TRIM49B: variants seen among roughly 807,000 people sequenced by gnomAD.
TRIM49B encodes the protein tripartite motif containing 49B.
TRIM49B carries 18 observed loss-of-function variants against 31.8 expected under a neutral mutation model. That is an observed-to-expected ratio of 0.57 (90% CI 0.39 to 0.84). The LOEUF is 0.84. Ranked by LOEUF, TRIM49B falls within the 40% of genes least tolerant of loss-of-function variation. The pLI is 0.00. For synonymous variants in TRIM49B, 196 were observed against 180.6 expected (o/e 1.09, Z -0.68); for missense variants, 494 against 538.7 (o/e 0.92, Z 0.82).
intron 5 of TRIM49B, 70 bp from the exon 6 acceptor site, chr11:49,036,231 T>C (rs1854528048): frequency 3.1e-6 from 5 of 1,601,310 alleles, no homozygotes; most frequent in Non-Finnish European, 4.3e-6. Flanking sequence ...GAAATGTCTT[T>C]TACATACAAA....
intron 6 of TRIM49B, 27 bp from the exon 7 acceptor site, chr11:49,037,451 T>C (rs765869659): frequency 1.7e-5 from 27 of 1,599,112 alleles, no homozygotes; most frequent in Admixed American, 5.2e-5. Flanking sequence ...TTTACACGTC[T>C]ATGCATGTTT....
rs1480023223 is a variant in TRIM49B at position 49,032,115 on chromosome 11, A to T, written c.411+105A>T. 1.9e-6 allele frequency: 3 copies of T among 1,595,446 alleles called. No individual in the cohort carries two copies. In the African/African-American group the frequency reaches 4.1e-5, roughly 22 times the overall value. ...AAACAAACTCTGAGTCCCTTTAAGC[A>T]GCTCTGTTTGGGCTTTCTTAGCTTC... On this transcript the variant is annotated intron_variant, in intron 2 of 6. Transcript: ENST00000332682.
chr11:49,032,904 G>A (rs1304419972), intron 3 of TRIM49B, among the ~76,000 whole-genome samples: 1 of 152,188 alleles, frequency 6.6e-6, no homozygotes, highest in Non-Finnish European at 1.5e-5. Context: ...GATGAGAAAA[G>A]TGGTGAGAAA....
At chr11:49,030,726 A>G (rs1854433374) in intron 1 of TRIM49B, among the ~76,000 whole-genome samples, 1 of 152,156 alleles carries the variant, frequency 6.6e-6, no homozygotes, top group African/African-American at 2.4e-5. Context: ...CTCACCCACA[A>G]ACAATGCTTC....
At chr11:49,035,305 G>A (rs1191101322) in intron 5 of TRIM49B, among the ~76,000 whole-genome samples, 188 bp downstream of exon 5, 5 of 129,576 alleles carry the variant, frequency 3.9e-5, no homozygotes, top group Non-Finnish European at 7.9e-5. Flanking sequence ...ATGAATAAAA[G>A]AAGAGTGAAC....
intron 2 of TRIM49B, 124 bp from the exon 3 acceptor site, chr11:49,032,152 C>A (rs1854461510): frequency 1.3e-6 from 2 of 1,593,094 alleles, no homozygotes; most frequent in South Asian, 1.1e-5. Flanking sequence ...AACCTCTGGG[C>A]TTTGACAAAC....
At chr11:49,034,505 T>G (rs531471867) in intron 4 of TRIM49B, 129 bp downstream of exon 4, 2 of 1,591,014 alleles carry the variant, frequency 1.3e-6, no homozygotes, top group East Asian at 4.5e-5. Flanking sequence ...ACATAACTAA[T>G]GCTACTTTGT....
At chr11:49,035,339 A>ATTTTTTTTCTTTTTTTTTTTT (rs1854510521) in intron 5 of TRIM49B, among the ~76,000 whole-genome samples, 1 of 56,774 alleles carries the variant, frequency 1.8e-5, no homozygotes, top group African/African-American at 7.5e-5. Context: ...TTGATTCCTG[A>ATTTTTTTTCTTTTTTTTTTTT]TTTTTTTTTT....
chr11:49,035,950 G>A (rs189944486), intron 5 of TRIM49B, among the ~76,000 whole-genome samples: 26 of 151,742 alleles, frequency 1.7e-4, no homozygotes, highest in Non-Finnish European at 3.1e-4. Flanking sequence ...AGCAGTGGAA[G>A]CATCAGTCTC....
chr11:49,033,170 T>G (rs1352434711), intron 3 of TRIM49B, among the ~76,000 whole-genome samples: 1 of 152,194 alleles, frequency 6.6e-6, no homozygotes, highest in African/African-American at 2.4e-5. Context: ...TCACAAATCA[T>G]ACAATCCAAA....
At chr11:49,033,447 ATGTG>A (rs1190842473) in intron 3 of TRIM49B, among the ~76,000 whole-genome samples, 4 of 148,742 alleles carry the variant, frequency 2.7e-5, no homozygotes, top group African/African-American at 7.5e-5. Flanking sequence ...ATATGTATGT[ATGTG>A]TGTGTGGTTG....
Position 49,036,242 on chromosome 11 carries a change from T to C in TRIM49B, c.762-59T>C, listed in dbSNP as rs1854528305. Reference sequence around the variant, plus strand: ...TCATGAAATGTCTTTTACATACAAATAGTGATTTTTATTTATTTTATGGCT... The same window carrying C: ...TCATGAAATGTCTTTTACATACAAACAGTGATTTTTATTTATTTTATGGCT... On this transcript the variant is annotated intron_variant, in intron 5 of 6. Coordinates refer to ENST00000332682, the MANE Select transcript of TRIM49B (RefSeq NM_001206626.2). 13 of 1,598,036 alleles carry C rather than the reference T, an allele frequency of 8.1e-6. No homozygotes were observed. In the Admixed American group the frequency reaches 2.1e-4, roughly 25 times the overall value.
At position 49,031,940 on chromosome 11, in the gene TRIM49B, T is replaced by C; in HGVS notation, c.341T>C (p.Leu114Pro). The C allele has an allele frequency of 6.2e-7, 1 of 1,612,114 alleles. No homozygotes were observed. Among genetic ancestry groups the C allele is most frequent in the Non-Finnish European group, 8.5e-7 (1 of 1,179,868 alleles). The stretch of plus-strand genomic sequence containing the variant: ...GTGGACAGGAGCCTGCTCTGTTTGC[T>C]GTGCTCCAGCTCTCAGGAGCACCGG... ...CEVDRSLLCL[L>P]CSSSQEHRDH... Residue 114 changes from leucine to proline, a missense_variant, in exon 2 of 7, where the codon CTG (leucine) becomes CCG (proline). Leu to Pro is a moderately conservative substitution (Grantham distance 98, BLOSUM62 -3). Coordinates refer to ENST00000332682, the MANE Select transcript of TRIM49B (RefSeq NM_001206626.2).
chr11:49,031,643 G>A lies in TRIM49B; in HGVS notation c.44G>A (p.Cys15Tyr). Residue 15 changes from cysteine to tyrosine, a missense_variant, in exon 2 of 7, where the codon TGC becomes TAC. Transcript: ENST00000332682. The stretch of plus-strand genomic sequence containing the variant: ...CAGGTCTTTCAGAGGGAACTCATCT[G>A]CCCCATCTGCATGAACTACTTCATA... ...ILQVFQRELI[C>Y]PICMNYFIDP... 1 of 1,613,926 alleles carries A rather than the reference G, an allele frequency of 6.2e-7. No individual in the cohort carries two copies. Among genetic ancestry groups the A allele is most frequent in the Non-Finnish European group, 8.5e-7 (1 of 1,179,874 alleles).
chr11:49,029,390 C>T (rs901216481), intron 1 of TRIM49B, among the ~76,000 whole-genome samples: 1 of 152,022 alleles, frequency 6.6e-6, no homozygotes, highest in Non-Finnish European at 1.5e-5. Flanking sequence ...TAATGATGAA[C>T]GATGCAAAAT....
chr11:49,032,453 A>T lies in TRIM49B; in HGVS notation c.507+82A>T, dbSNP rs1590634535. 5 of 1,594,846 alleles carry T rather than the reference A, an allele frequency of 3.1e-6. No homozygotes were observed. The East Asian group carries it at 1.1e-4, about 36-fold the overall frequency. On this transcript the variant is annotated intron_variant, in intron 3 of 6. Transcript: ENST00000332682. ...TCTTAAAATAGGAACTGGATATCAA[A>T]CTGTAATGTTTCTGGGATTCAGTAA...
At chr11:49,035,141 C>T (rs1590635879) in intron 5 of TRIM49B, 24 bp downstream of exon 5, 7 of 1,600,502 alleles carry the variant, frequency 4.4e-6, no homozygotes, top group Non-Finnish European at 6.0e-6. Flanking sequence ...TAGATTTTAG[C>T]ATATGTTCTT....
At chr11:49,034,982 A>C in intron 4 of TRIM49B, 113 bp from the exon 5 acceptor site, 3 of 1,537,664 alleles carry the variant, frequency 2.0e-6, no homozygotes, top group Non-Finnish European at 2.6e-6. Flanking sequence ...TCCAGAAGAG[A>C]AGATGGTAGG....
chr11:49,031,969 C>G lies in TRIM49B; in HGVS notation c.370C>G (p.His124Asp), dbSNP rs772277067. 3.1e-6 allele frequency: 5 copies of G among 1,612,024 alleles called. No homozygotes were observed. The highest frequency in any genetic ancestry group is 4.2e-6 in the Non-Finnish European group (5 of 1,179,870). Residue 124 changes from histidine (H) to aspartate (D), a missense_variant, in exon 2 of 7, where the codon CAC (histidine) becomes GAC (aspartate). Transcript: ENST00000332682. ...LCSSSQEHRDHRHCPIESAAE... is the reference protein window; with the variant it reads ...LCSSSQEHRDDRHCPIESAAE... The stretch of plus-strand genomic sequence containing the variant: ...CTCCAGCTCTCAGGAGCACCGGGAT[C>G]ACAGACACTGTCCCATTGAGTCGGC...
Sources: allele counts gnomAD v4.1 joint callset (sites outside exome capture counted in the v4.1 genomes callset), GRCh38; gene constraint gnomAD v4.1.1; transcripts MANE v1.5; gene names NCBI Gene and HGNC (gene_info 2026-07-23, HGNC 2026-07-21).